Variants in BRIP1 observed in about 807,000 individuals in gnomAD.
The protein encoded by BRIP1 is Fanconi anemia group J protein.
BRIP1 carries 88 observed loss-of-function variants against 119.7 expected under a neutral mutation model. The ratio of observed to expected loss-of-function variants is 0.74; its 90% CI spans 0.62 to 0.88. The LOEUF is 0.88. Ranked by LOEUF, BRIP1 falls within the 40% of genes least tolerant of loss-of-function variation. The pLI is 0.00. For missense variants in BRIP1, 1,259 were observed against 1,455.4 expected (o/e 0.87, Z 2.20); for synonymous variants, 443 against 496.5 (o/e 0.89, Z 1.43).
At chr17:61,818,227 A>G (rs1257205853) in intron 6 of BRIP1, among the ~76,000 whole-genome samples, 1 of 151,874 alleles carries the variant, frequency 6.6e-6, no homozygotes, top group Non-Finnish European at 1.5e-5. Context: ...CAAGTAGGGT[A>G]TATATTTCTA....
rs996410040 is a variant in BRIP1, at chr17:61,744,722, G to C, written c.2098-131C>G. ...TGTCTTTTCTCATTTATAAAATGAG[G>C]AAAACAATATATCTCATAGAGCTGT... On this transcript the variant is annotated intron_variant, in intron 14 of 19. Coordinates refer to ENST00000259008, the MANE Select transcript of BRIP1 (RefSeq NM_032043.3). This position sits in a 1 kb window ranked among gnomAD's most constrained non-coding sequence, Gnocchi z 5.0. 5.9e-6 allele frequency: 5 copies of C among 840,530 alleles called. No individual in the cohort carries two copies. Among genetic ancestry groups the C allele is most frequent in the African/African-American group, 5.1e-5 (3 of 58,726 alleles). 52.1% of individuals were successfully genotyped at this position (840,530 alleles called of 1,614,324 possible).
chr17:61,693,589 ATTGG>A lies in BRIP1; in HGVS notation c.2493-81_2493-78del. 1 of 1,267,494 alleles carries A rather than the reference ATTGG, an allele frequency of 7.9e-7. No homozygotes were observed. The highest frequency in any genetic ancestry group is 1.1e-6 in the Non-Finnish European group (1 of 873,542). 78.5% of individuals were successfully genotyped at this position (1,267,494 alleles called of 1,614,324 possible). A position where few individuals can be genotyped will look rare whatever the true frequency, so the allele number is the denominator to read the frequency against. The stretch of plus-strand genomic sequence containing the variant: ...AGTTTTCCAGTGGGACAGACAGAAA[ATTGG>A]AAAAAAATCAATTTTATAGATTCCT... On this transcript the variant is annotated intron_variant, in intron 17 of 19. Transcript: ENST00000259008. The surrounding 1 kb of genome is among the most constrained non-coding windows in gnomAD (Gnocchi z 4.2).
Position 61,726,317 on chromosome 17 carries a change from A to G in BRIP1, c.2380-10254T>C, listed in dbSNP as rs1224222048. Among the ~76,000 whole-genome samples the G allele has an allele frequency of 6.6e-6, 1 of 152,242 alleles. No individual in the cohort carries two copies. Among genetic ancestry groups the G allele is most frequent in the African/African-American group, 2.4e-5 (1 of 41,462 alleles). On this transcript the variant is annotated intron_variant, in intron 16 of 19. Transcript: ENST00000259008. This position sits in a 1 kb window ranked among gnomAD's most constrained non-coding sequence, Gnocchi z 6.2. ...AATATGCATGAAACAGTAAAGCATC[A>G]GATACTAGAGGTAAGTGGACGAGAA...
rs2076910873 is a variant in BRIP1 at position 61,735,826 on chromosome 17, C to G, written c.2379+7187G>C. Among the ~76,000 whole-genome samples, 1 of 151,776 alleles carries G rather than the reference C, an allele frequency of 6.6e-6. No homozygotes were observed. The highest frequency in any genetic ancestry group is 1.5e-5 in the Non-Finnish European group (1 of 67,944). ...CAAAAAAATTTAAAAAAGACTGCCT[C>G]TTGGATGGATTAGGAAGAACCTCAG... On this transcript the variant is annotated intron_variant, in intron 16 of 19. Transcript: ENST00000259008. This position sits in a 1 kb window ranked among gnomAD's most constrained non-coding sequence, Gnocchi z 4.4.
chr17:61,711,891 A>T (rs549792956), intron 17 of BRIP1, among the ~76,000 whole-genome samples: 11 of 152,012 alleles, frequency 7.2e-5, no homozygotes, highest in South Asian at 6.2e-4. Flanking sequence ...ATAATAATAA[A>T]AACAAAAATA....
At position 61,793,541 on chromosome 17, in the gene BRIP1, G is replaced by A. The variant is rs1395158591; in HGVS notation, c.1473+56C>T. The A allele has an allele frequency of 5.9e-6, 9 of 1,527,170 alleles. No homozygotes were observed. The highest frequency in any genetic ancestry group is 4.1e-5 in the African/African-American group (3 of 73,264). The allele number at this position is 1,527,170 out of a possible 1,614,324, so 94.6% of individuals were successfully genotyped here. On this transcript the variant is annotated intron_variant, in intron 10 of 19. Coordinates refer to ENST00000259008, the MANE Select transcript of BRIP1 (RefSeq NM_032043.3). This position sits in a 1 kb window ranked among gnomAD's most constrained non-coding sequence, Gnocchi z 5.2. ...CTAGATTTAATCTGGATTTAGTCAC[G>A]ACTAAATCACTTCTAATTCACTAAA... is the stretch of plus-strand genomic sequence containing the variant.
intron 16 of BRIP1, among the ~76,000 whole-genome samples, chr17:61,727,364 A>T (rs2076779539): frequency 6.6e-6 from 1 of 152,236 alleles, no homozygotes; most frequent in Non-Finnish European, 1.5e-5. Flanking sequence ...AAAAAAGATT[A>T]AATGAGTACT....
intron 10 of BRIP1, among the ~76,000 whole-genome samples, chr17:61,785,171 G>T (rs1179406845): frequency 1.3e-5 from 2 of 152,158 alleles, no homozygotes; most frequent in Non-Finnish European, 2.9e-5. Context: ...TTAAATCCAT[G>T]AGTTATTTCC....
At chr17:61,716,092 T>A (rs762102648) in intron 16 of BRIP1, 29 bp from the exon 17 acceptor site, 1 of 1,320,814 alleles carries the variant, frequency 7.6e-7, no homozygotes, top group Non-Finnish European at 1.0e-6. Flanking sequence ...ATTTAAAAAA[T>A]TAGTAGATAA....
At position 61,683,894 on chromosome 17, in the gene BRIP1, T is replaced by C; in HGVS notation, c.3152A>G (p.Asp1051Gly). 6.2e-7 allele frequency: 1 copy of C among 1,614,226 alleles called. No homozygotes were observed. The highest frequency in any genetic ancestry group is 2.2e-5 in the East Asian group (1 of 44,886). The change falls in exon 20 of 20, where the codon GAT (aspartate) becomes GGT (glycine). Residue 1051 changes from aspartate (D) to glycine (G), a missense_variant. Coordinates refer to ENST00000259008, the MANE Select transcript of BRIP1 (RefSeq NM_032043.3). This position sits in a 1 kb window ranked among gnomAD's most constrained non-coding sequence, Gnocchi z 4.7. ...MESKTVLPFT[D>G]KCESSNLTVN... ...TGTCAGATTTGAGGATTCACATTTA[T>C]CAGTGAAGGGCAAAACAGTTTTACT...
Position 61,822,811 on chromosome 17 carries a change from G to A in BRIP1, c.628-14054C>T, listed in dbSNP as rs1396305142. Among the ~76,000 whole-genome samples, 1 of 152,046 alleles carries A rather than the reference G, an allele frequency of 6.6e-6. No homozygotes were observed. Among genetic ancestry groups the A allele is most frequent in the Admixed American group, 6.6e-5 (1 of 15,256 alleles). ...GTATGACTAATATGGGGACCAACAA[G>A]TTTTCAGTTTAAAGGTGGGACGGTT... On this transcript the variant is annotated intron_variant, in intron 6 of 19. Coordinates refer to ENST00000259008, the MANE Select transcript of BRIP1 (RefSeq NM_032043.3). The surrounding 1 kb of genome is among the most constrained non-coding windows in gnomAD (Gnocchi z 4.4).
Position 61,780,683 on chromosome 17 carries a change from G to A in BRIP1, c.1794+157C>T, listed in dbSNP as rs1233491578. Among the ~76,000 whole-genome samples the A allele has an allele frequency of 6.6e-6, 1 of 152,002 alleles. No individual in the cohort carries two copies. The highest frequency in any genetic ancestry group is 1.5e-5 in the Non-Finnish European group (1 of 67,982). ...GTCAAGGCTACAGTGAGCTGAGATT[G>A]CACCACTGCACTCCAGCCTGGGTGA... On this transcript the variant is annotated intron_variant, in intron 12 of 19. Coordinates refer to ENST00000259008, the MANE Select transcript of BRIP1 (RefSeq NM_032043.3). This position sits in a 1 kb window ranked among gnomAD's most constrained non-coding sequence, Gnocchi z 5.4.
In BRIP1 at chr17:61,693,171, T is replaced by C. The variant is rs932762196; in HGVS notation, c.2575+259A>G. Among the ~76,000 whole-genome samples the C allele has an allele frequency of 5.9e-5, 9 of 152,088 alleles. No homozygotes were observed. Among genetic ancestry groups the C allele is most frequent in the South Asian group, 2.1e-4 (1 of 4,828 alleles). On this transcript the variant is annotated intron_variant, in intron 18 of 19. Coordinates refer to ENST00000259008, the MANE Select transcript of BRIP1 (RefSeq NM_032043.3). This position sits in a 1 kb window ranked among gnomAD's most constrained non-coding sequence, Gnocchi z 4.2. The stretch of plus-strand genomic sequence containing the variant: ...GAGGTATCCAAAACAGTCAAACTAA[T>C]AGAAGCAGAAAGTATAGCGGTGGTT...
chr17:61,682,308 T>G lies in BRIP1; in HGVS notation c.*988A>C, dbSNP rs1258708730. ...ACCTTCTAGTCTAGTGTTTGGTACTTATTACTCACTGATCCACTAGGAAAA... is the reference window on the plus strand; with the variant it reads ...ACCTTCTAGTCTAGTGTTTGGTACTGATTACTCACTGATCCACTAGGAAAA... On this transcript the variant is annotated 3_prime_UTR_variant, in exon 20 of 20. Transcript: ENST00000259008. This position sits in a 1 kb window ranked among gnomAD's most constrained non-coding sequence, Gnocchi z 4.9. 1 of 200,808 alleles carries G rather than the reference T, an allele frequency of 5.0e-6. No individual in the cohort carries two copies. The highest frequency in any genetic ancestry group is 1.0e-5 in the Non-Finnish European group (1 of 97,506). The allele number at this position is 200,808 out of a possible 1,614,324, so 12.4% of individuals were successfully genotyped here.
rs926664381 is a variant in BRIP1 at position 61,680,937 on chromosome 17, A to G, written c.*2359T>C. 6.6e-6 allele frequency among the ~76,000 whole-genome samples: 1 copy of G among 152,216 alleles called. No homozygotes were observed. Among genetic ancestry groups the G allele is most frequent in the African/African-American group, 2.4e-5 (1 of 41,454 alleles). On this transcript the variant is annotated 3_prime_UTR_variant, in exon 20 of 20. Coordinates refer to ENST00000259008, the MANE Select transcript of BRIP1 (RefSeq NM_032043.3). ...CAAGACTGGGTAATTTATAAAGGAAAGAGGTTTAATTGACTCACAGTTCTG... is the reference window on the plus strand; with the variant it reads ...CAAGACTGGGTAATTTATAAAGGAAGGAGGTTTAATTGACTCACAGTTCTG...
At chr17:61,733,461 T>C (rs1326940995) in intron 16 of BRIP1, among the ~76,000 whole-genome samples, 1 of 152,238 alleles carries the variant, frequency 6.6e-6, no homozygotes, top group Non-Finnish European at 1.5e-5. Context: ...ATTAATGCTG[T>C]TATCCTTTAG....
chr17:61,740,716 A>T lies in BRIP1; in HGVS notation c.2379+2297T>A, dbSNP rs74655435. ...TATACTGCAGTCTATTAAGTGGGCA[A>T]CAGCATTATGTCTCAAAAGCCAATG... On this transcript the variant is annotated intron_variant, in intron 16 of 19. Transcript: ENST00000259008. This position sits in a 1 kb window ranked among gnomAD's most constrained non-coding sequence, Gnocchi z 5.4. Among the ~76,000 whole-genome samples, 203 of 152,350 alleles carry T rather than the reference A, an allele frequency of 1.3e-3. 10 individuals are homozygous for T. The East Asian group carries it at 0.031, about 23-fold the overall frequency.
In BRIP1 at chr17:61,736,155, G is replaced by A. The variant is rs1421517436; in HGVS notation, c.2379+6858C>T. Among the ~76,000 whole-genome samples the A allele has an allele frequency of 1.3e-5, 2 of 148,404 alleles. No homozygotes were observed. The highest frequency in any genetic ancestry group is 3.0e-5 in the Non-Finnish European group (2 of 67,088). On this transcript the variant is annotated intron_variant, in intron 16 of 19. Transcript: ENST00000259008. This position sits in a 1 kb window ranked among gnomAD's most constrained non-coding sequence, Gnocchi z 4.4. ...AGCTTGTACAACATAGCAAGACCTC[G>A]CCTCTCCAAAAAAAAAAAAAAGTTT...
chr17:61,860,043 A>G lies in BRIP1; in HGVS notation c.94-136T>C. The G allele has an allele frequency of 1.5e-6, 1 of 668,882 alleles. No individual in the cohort carries two copies. Among genetic ancestry groups the G allele is most frequent in the South Asian group, 1.6e-5 (1 of 62,530 alleles). The allele number at this position is 668,882 out of a possible 1,614,324, so 41.4% of individuals were successfully genotyped here. The stretch of plus-strand genomic sequence containing the variant: ...AACACAACAATAGCAGAAGGAACTC[A>G]TATTTAGTTAAATCCAAACTGTATT... On this transcript the variant is annotated intron_variant, in intron 2 of 19. Coordinates refer to ENST00000259008, the MANE Select transcript of BRIP1 (RefSeq NM_032043.3). The surrounding 1 kb of genome is among the most constrained non-coding windows in gnomAD (Gnocchi z 4.1).
Sources: allele counts gnomAD v4.1 joint callset (sites outside exome capture counted in the v4.1 genomes callset), GRCh38; gene constraint gnomAD v4.1.1; non-coding constraint Gnocchi (gnomAD v3.1); transcripts MANE v1.5; gene names NCBI Gene and HGNC (gene_info 2026-07-23, HGNC 2026-07-21).